Variants in DPEP1 observed in about 807,000 individuals in gnomAD.
DPEP1 encodes beta-lactamase.
DPEP1 carries 50 observed loss-of-function variants against 42.3 expected under a neutral mutation model. The ratio of observed to expected loss-of-function variants is 1.18; its 90% CI spans 0.94 to 1.50. The LOEUF (loss-of-function observed/expected upper bound fraction) is 1.50. DPEP1 is among the 40% of genes most tolerant of loss of function. The pLI, the probability that DPEP1 is intolerant of heterozygous loss-of-function variation, is 0.00. For missense variants in DPEP1, 663 were observed against 553.0 expected, an observed-to-expected ratio of 1.20 and a Z score of -1.99; for synonymous variants, 297 against 234.0, an observed-to-expected ratio of 1.27 and a Z score of -2.46.
intron 1 of DPEP1, among the ~76,000 whole-genome samples, chr16:89,621,539 C>G (rs1342185285): frequency 2.0e-5 from 3 of 152,182 alleles, no homozygotes; most frequent in African/African-American, 7.2e-5. Context: ...GAGACAGGGC[C>G]GGGCTCCCCG....
intron 1 of DPEP1, among the ~76,000 whole-genome samples, chr16:89,626,185 T>C (rs1028731514): frequency 1.3e-5 from 2 of 152,140 alleles, no homozygotes; most frequent in African/African-American, 4.8e-5. Context: ...AGCTGAGTGA[T>C]GCGGTTTGGT....
intron 6 of DPEP1, 74 bp from the exon 7 acceptor site, chr16:89,637,130 T>A: frequency 1.3e-6 from 2 of 1,559,664 alleles, no homozygotes; most frequent in Non-Finnish European, 8.7e-7. Flanking sequence ...ATGACTCACA[T>A]CTGGTCCAGC....
chr16:89,626,187 C>T (rs1160061160), intron 1 of DPEP1, among the ~76,000 whole-genome samples: 3 of 152,124 alleles, frequency 2.0e-5, no homozygotes, highest in East Asian at 1.9e-4. Flanking sequence ...CTGAGTGATG[C>T]GGTTTGGTTC....
chr16:89,628,454 C>G (rs2059545520), intron 1 of DPEP1, among the ~76,000 whole-genome samples: 1 of 150,934 alleles, frequency 6.6e-6, no homozygotes, highest in Non-Finnish European at 1.5e-5. Context: ...GACGGGGTTT[C>G]ACCATGTTGC....
Position 89,636,583 on chromosome 16 carries a change from G to T in DPEP1, c.421G>T (p.Glu141Ter). ...EGKVASLIGV[E>*]GGHSIDSSLG... ...GAAGGTGGCCAGCCTGATCGGCGTG[G>T]AGGGCGGCCACTCCATTGACAGCAG... The change falls in exon 5 of 11, where the codon GAG becomes TAG. Residue 141 changes from glutamate to a stop codon, truncating the protein, a stop_gained. Coordinates refer to ENST00000690203, the MANE Select transcript of DPEP1 (RefSeq NM_001389466.1). LOFTEE classifies it high-confidence loss of function. 6.2e-7 allele frequency: 1 copy of T among 1,612,526 alleles called. No individual in the cohort carries two copies. Among genetic ancestry groups the T allele is most frequent in the South Asian group, 1.1e-5 (1 of 91,092 alleles).
chr16:89,626,272 A>C (rs911710236), intron 1 of DPEP1, among the ~76,000 whole-genome samples: 1 of 152,164 alleles, frequency 6.6e-6, no homozygotes, highest in South Asian at 2.1e-4. Context: ...AGGTGAGTGC[A>C]TCGTGGGGCC....
chr16:89,637,396 G>A lies in DPEP1; in HGVS notation c.768+16G>A, dbSNP rs370921087. 1.0e-4 allele frequency: 161 copies of A among 1,612,162 alleles called. No homozygotes were observed. Among genetic ancestry groups the A allele is most frequent in the Admixed American group, 5.0e-4 (30 of 59,994 alleles). On this transcript the variant is annotated intron_variant, in intron 7 of 10. Coordinates refer to ENST00000690203, the MANE Select transcript of DPEP1 (RefSeq NM_001389466.1). ...GAGGCTGGTGGTGAGGGCCGAGGGGGCGACCTCCACCCCGCCTCCCTGGGC... is the reference window on the plus strand; with the variant it reads ...GAGGCTGGTGGTGAGGGCCGAGGGGACGACCTCCACCCCGCCTCCCTGGGC...
chr16:89,620,709 G>T (rs1414298235), intron 1 of DPEP1: 1 of 152,214 alleles, frequency 6.6e-6, no homozygotes, highest in Non-Finnish European at 1.5e-5. Context: ...TGGGAGGCAG[G>T]AGGCGGGTCT....
chr16:89,639,918 C>T (rs568641406), downstream of DPEP1, among the ~76,000 whole-genome samples: 31 of 116,234 alleles, frequency 2.7e-4, no homozygotes, highest in African/African-American at 1.0e-3. Flanking sequence ...TCAGGTGATC[C>T]GCCCACTCAG....
At chr16:89,624,743 C>G (rs2059487161) in intron 1 of DPEP1, among the ~76,000 whole-genome samples, 1 of 152,150 alleles carries the variant, frequency 6.6e-6, no homozygotes, top group African/African-American at 2.4e-5. Context: ...CTTTGTTGGC[C>G]AGGCTGGTCT....
intron 1 of DPEP1, among the ~76,000 whole-genome samples, chr16:89,624,974 T>C (rs2059489892): frequency 6.6e-6 from 1 of 152,164 alleles, no homozygotes. Context: ...CCACAGCACT[T>C]TCCTTTCCAT....
chr16:89,637,397 C>A lies in DPEP1; in HGVS notation c.768+17C>A, dbSNP rs371643364. On this transcript the variant is annotated intron_variant, in intron 7 of 10. Coordinates refer to ENST00000690203, the MANE Select transcript of DPEP1 (RefSeq NM_001389466.1). ...AGGCTGGTGGTGAGGGCCGAGGGGG[C>A]GACCTCCACCCCGCCTCCCTGGGCA... 6.2e-7 allele frequency: 1 copy of A among 1,612,072 alleles called. No individual in the cohort carries two copies. The highest frequency in any genetic ancestry group is 8.5e-7 in the Non-Finnish European group (1 of 1,179,740).
At chr16:89,628,040 A>C (rs916896675) in intron 1 of DPEP1, among the ~76,000 whole-genome samples, 9 of 152,030 alleles carry the variant, frequency 5.9e-5, no homozygotes, top group African/African-American at 2.2e-4. Flanking sequence ...CTCCTGCCTC[A>C]GCCTCCCAAG....
upstream of DPEP1, chr16:89,613,487 C>A (rs1435731909): frequency 6.6e-6 from 1 of 152,342 alleles, no homozygotes; most frequent in Non-Finnish European, 1.5e-5. Context: ...GCCCTTCCTT[C>A]CGACCCCTGG....
chr16:89,620,251 G>A (rs376747310), intron 1 of DPEP1, among the ~76,000 whole-genome samples: 6 of 152,130 alleles, frequency 3.9e-5, no homozygotes, highest in Admixed American at 1.3e-4. Flanking sequence ...AGTGTCCTCC[G>A]AGGGAGTCAG....
intron 5 of DPEP1, 54 bp downstream of exon 5, chr16:89,636,737 G>A (rs1386499203): frequency 1.6e-5 from 26 of 1,604,874 alleles, no homozygotes; most frequent in Non-Finnish European, 1.7e-6. Context: ...GGAGGGGGCA[G>A]ACACTCCCTG....
intron 1 of DPEP1, among the ~76,000 whole-genome samples, chr16:89,624,606 C>G (rs1420702704): frequency 6.6e-6 from 1 of 151,920 alleles, no homozygotes; most frequent in African/African-American, 2.4e-5. Flanking sequence ...GCCATCTCGG[C>G]TCACTGCAAC....
rs775367487 is a variant in DPEP1, at chr16:89,637,941, C to T, written c.1035C>T (p.Asn345=). 6.2e-6 allele frequency: 10 copies of T among 1,610,426 alleles called. No homozygotes were observed. The East Asian group carries it at 8.9e-5, about 14-fold the overall frequency. Reference sequence around the variant, plus strand: ...AGGTCAAGGGCGCACTGGCTGACAACCTGCTGAGGGTCTTCGAGGCTGTGG... The same window carrying T: ...AGGTCAAGGGCGCACTGGCTGACAATCTGCTGAGGGTCTTCGAGGCTGTGG... ...EAEVKGALAD[N]LLRVFEAVEQ... The change falls in exon 10 of 11, where the codon AAC becomes AAT. Residue 345 remains asparagine, a synonymous_variant. Coordinates refer to ENST00000690203, the MANE Select transcript of DPEP1 (RefSeq NM_001389466.1).
At position 89,630,425 on chromosome 16, in the gene DPEP1, G is replaced by A. The variant is rs932650263; in HGVS notation, c.15G>A (p.Trp5Ter). 1.2e-6 allele frequency: 2 copies of A among 1,611,272 alleles called. No individual in the cohort carries two copies. The highest frequency in any genetic ancestry group is 3.3e-5 in the Admixed American group (2 of 59,786). Residue 5 changes from tryptophan (W) to a stop codon, truncating the protein, a stop_gained, in exon 2 of 11, where the codon TGG becomes TGA. Coordinates refer to ENST00000690203, the MANE Select transcript of DPEP1 (RefSeq NM_001389466.1). LOFTEE classifies it high-confidence loss of function. ...GGGACCCCACCATGTGGAGCGGATGGTGGCTGTGGCCCCTTGTGGCCGTCT... is the reference window on the plus strand; with the variant it reads ...GGGACCCCACCATGTGGAGCGGATGATGGCTGTGGCCCCTTGTGGCCGTCT... The part of the protein sequence containing the change: MWSG[W>*]WLWPLVAVCT...
Sources: allele counts gnomAD v4.1 joint callset (sites outside exome capture counted in the v4.1 genomes callset), GRCh38; gene constraint gnomAD v4.1.1; transcripts MANE v1.5; gene names NCBI Gene and HGNC (gene_info 2026-07-23, HGNC 2026-07-21).